Variants in DPM1 observed in about 807,000 individuals in gnomAD.
DPM1 encodes the protein dolichyl-phosphate mannosyltransferase subunit 1, catalytic.
DPM1 carries 27 observed loss-of-function variants against 39.0 expected under a neutral mutation model. The ratio of observed to expected loss-of-function variants is 0.69; its 90% CI spans 0.51 to 0.95. DPM1 has a LOEUF of 0.95. Among genes scored for constraint, DPM1 ranks in the 40% least tolerant of loss-of-function variants. The pLI is 0.00. For missense variants in DPM1, 307 were observed against 315.6 expected (o/e 0.97, Z 0.21); for synonymous variants, 124 against 109.0 (o/e 1.14, Z -0.86).
At chr20:50,958,167 GA>G (rs1201564597) in intron 1 of DPM1, among the ~76,000 whole-genome samples, 195 bp downstream of exon 1, 2 of 152,242 alleles carry the variant, frequency 1.3e-5, no homozygotes, top group East Asian at 3.9e-4. Context: ...CCAAGGGCAG[GA>G]ATGAGAACCC....
chr20:50,943,942 G>A lies in DPM1; in HGVS notation c.398+1795C>T, dbSNP rs539347150. 2.3e-4 allele frequency among the ~76,000 whole-genome samples: 35 copies of A among 150,256 alleles called. No homozygotes were observed. In the South Asian group the frequency reaches 7.0e-3, roughly 30 times the overall value. On this transcript the variant is annotated intron_variant, in intron 5 of 8. Coordinates refer to ENST00000371588, the MANE Select transcript of DPM1 (RefSeq NM_003859.3). Reference sequence around the variant, plus strand: ...TTTTTAGTAGAGACAGGGTTTCACCGTGTTCACCAGGATGGTCTCGATCTC... The same window carrying A: ...TTTTTAGTAGAGACAGGGTTTCACCATGTTCACCAGGATGGTCTCGATCTC...
At chr20:50,952,664 G>C (rs1195463101) in intron 2 of DPM1, among the ~76,000 whole-genome samples, 1 of 152,090 alleles carries the variant, frequency 6.6e-6, no homozygotes. Context: ...TGAATTATCT[G>C]GTTGGTTGGG....
Position 50,941,107 on chromosome 20 carries a change from G to A in DPM1, c.495-174C>T, listed in dbSNP as rs555613895. 310 of 728,702 alleles carry A rather than the reference G, an allele frequency of 4.3e-4. 1 individual carries two copies. The African/African-American group carries it at 5.1e-3, about 12-fold the overall frequency. 45.1% of individuals were successfully genotyped at this position (728,702 alleles called of 1,614,324 possible). A position where few individuals can be genotyped will look rare whatever the true frequency, so the allele number is the denominator to read the frequency against. ...ATTTTTAGTCAATGAAAGGAGACCT[G>A]GCTAGGCGCGGTGGCTCACACCTGT... On this transcript the variant is annotated intron_variant, in intron 6 of 8. Transcript: ENST00000371588.
chr20:50,942,143 C>T lies in DPM1; in HGVS notation c.399-17G>A. 1 of 1,605,570 alleles carries T rather than the reference C, an allele frequency of 6.2e-7. No homozygotes were observed. Among genetic ancestry groups the T allele is most frequent in the Non-Finnish European group, 8.5e-7 (1 of 1,172,808 alleles). On this transcript the variant is annotated splice_polypyrimidine_tract_variant and intron_variant, in intron 5 of 8. Transcript: ENST00000371588. ...TTTTGCTTCCTGTAGAATAAATTAG[C>T]TGTCAATTAGAAAAAGCCACTGAGC... is the stretch of plus-strand genomic sequence containing the variant.
In DPM1 at chr20:50,936,192, C is replaced by G. The variant is rs765866526; in HGVS notation, c.634G>C (p.Glu212Gln). 1.2e-6 allele frequency: 2 copies of G among 1,613,810 alleles called. No individual in the cohort carries two copies. Among genetic ancestry groups the G allele is most frequent in the Non-Finnish European group, 1.7e-6 (2 of 1,179,806 alleles). ...AACTGTCTTGCCCGAACAATCATCT[C>G]CATCTGGAAGACGTAGCCTTTAGAA... The part of the protein sequence containing the change: ...CVSKGYVFQM[E>Q]MIVRARQLNY... Residue 212 changes from glutamate (E) to glutamine (Q), a missense_variant, in exon 8 of 9, where the codon GAG (glutamate) becomes CAG (glutamine). Coordinates refer to ENST00000371588, the MANE Select transcript of DPM1 (RefSeq NM_003859.3).
At chr20:50,948,756 G>C in intron 2 of DPM1, 94 bp from the exon 3 acceptor site, 1 of 1,123,514 alleles carries the variant, frequency 8.9e-7, no homozygotes, top group South Asian at 1.3e-5. Flanking sequence ...CACTTTAATA[G>C]AAATATAGTT....
chr20:50,957,042 G>A (rs1017310860), intron 1 of DPM1, among the ~76,000 whole-genome samples: 1 of 151,520 alleles, frequency 6.6e-6, no homozygotes, highest in African/African-American at 2.4e-5. Context: ...TGCAAAATTA[G>A]AATACAAGCC....
At chr20:50,951,340 A>G (rs1986566689) in intron 2 of DPM1, among the ~76,000 whole-genome samples, 1 of 152,244 alleles carries the variant, frequency 6.6e-6, no homozygotes, top group African/African-American at 2.4e-5. Context: ...AATTAGAAGT[A>G]ATGATGATAC....
intron 2 of DPM1, 38 bp downstream of exon 2, chr20:50,955,148 C>T (rs1419208494): frequency 1.4e-6 from 2 of 1,435,586 alleles, no homozygotes; most frequent in Admixed American, 3.3e-5. Flanking sequence ...CCTACATAAT[C>T]ACAATTCATA....
In DPM1 at chr20:50,958,509, T is replaced by A. The variant is rs17850342; in HGVS notation, c.15A>T (p.Glu5Asp). The stretch of plus-strand genomic sequence containing the variant: ...GAGACCTGCGAGGACTACGACTGAC[T>A]TCCAAGGAGGCCATGGCGGAACTGA... The part of the protein sequence containing the change: MASL[E>D]VSRSPRRSRR... The change falls in exon 1 of 9, where the codon GAA (glutamate) becomes GAT (aspartate). Residue 5 changes from glutamate to aspartate, a missense_variant. By Grantham distance (45) the Glu-to-Asp change is conservative. This residue lies in a region of DPM1 where 206 missense variants were observed against 188.2 expected (regional missense o/e 1.09). Transcript: ENST00000371588. 6.2e-7 allele frequency: 1 copy of A among 1,613,432 alleles called. No homozygotes were observed. The highest frequency in any genetic ancestry group is 1.1e-5 in the South Asian group (1 of 91,062).
At chr20:50,938,769 C>T (rs1161851181) in intron 7 of DPM1, among the ~76,000 whole-genome samples, 4 of 150,692 alleles carry the variant, frequency 2.7e-5, no homozygotes, top group East Asian at 2.0e-4. Flanking sequence ...CACCTGAGGT[C>T]GGGAGTTCAA....
chr20:50,945,284 T>TGGTG, intron 5 of DPM1: 1 of 156,702 alleles, frequency 6.4e-6, no homozygotes, highest in East Asian at 1.8e-4. Context: ...CAAATGTGTG[T>TGGTG]TGTGTGTGTG....
intron 3 of DPM1, 71 bp downstream of exon 3, chr20:50,948,558 G>A: frequency 6.8e-7 from 1 of 1,461,656 alleles, no homozygotes; most frequent in Non-Finnish European, 9.6e-7. Context: ...ATTCCAAACT[G>A]GGAAAATACA....
At chr20:50,950,387 A>C (rs1342586560) in intron 2 of DPM1, among the ~76,000 whole-genome samples, 1 of 152,224 alleles carries the variant, frequency 6.6e-6, no homozygotes, top group Non-Finnish European at 1.5e-5. Context: ...CATCTATGAT[A>C]ATTGCAAGTC....
intron 1 of DPM1, among the ~76,000 whole-genome samples, chr20:50,956,531 G>GAAAAA (rs56159089): frequency 4.0e-5 from 4 of 100,422 alleles, no homozygotes; most frequent in African/African-American, 1.2e-4. Flanking sequence ...GTCTCCAAAA[G>GAAAAA]AAAAAAAAAA....
intron 3 of DPM1, among the ~76,000 whole-genome samples, chr20:50,946,135 G>A (rs1305960813): frequency 6.6e-6 from 1 of 152,140 alleles, no homozygotes; most frequent in Admixed American, 6.5e-5. Context: ...CCATTCAGAT[G>A]TCAATTTAAT....
intron 7 of DPM1, among the ~76,000 whole-genome samples, chr20:50,938,655 C>T (rs1207987907): frequency 6.7e-6 from 1 of 149,020 alleles, no homozygotes; most frequent in African/African-American, 2.5e-5. Context: ...ACTGGGATTA[C>T]AGGCGTGAGC....
At chr20:50,941,227 A>AACATATATATATAT (rs751974533) in intron 6 of DPM1, 1 of 60,784 alleles carries the variant, frequency 1.6e-5, no homozygotes, top group African/African-American at 8.3e-5. Context: ...AAAAAAAGTG[A>AACATATATATATAT]ATATATATAT....
chr20:50,958,417 T>A lies in DPM1; in HGVS notation c.107A>T (p.Glu36Val). The A allele has an allele frequency of 1.2e-6, 2 of 1,614,006 alleles. No individual in the cohort carries two copies. Among genetic ancestry groups the A allele is most frequent in the Non-Finnish European group, 1.7e-6 (2 of 1,180,000 alleles). Reference protein sequence around the residue: ...KYSVLLPTYNERENLPLIVWL... With the variant: ...KYSVLLPTYNVRENLPLIVWL... ...CACGATGAGCGGCAGGTTCTCGCGCTCGTTGTAGGTAGGTAAAAGCACCGA... is the reference window on the plus strand; with the variant it reads ...CACGATGAGCGGCAGGTTCTCGCGCACGTTGTAGGTAGGTAAAAGCACCGA... The change falls in exon 1 of 9, where the codon GAG (glutamate) becomes GTG (valine). Residue 36 changes from glutamate to valine, a missense_variant. By Grantham distance (121) the Glu-to-Val change is moderately radical. Transcript: ENST00000371588.
Sources: gnomAD v4.1 joint callset for allele counts (sites outside exome capture counted in the v4.1 genomes callset) on GRCh38, gnomAD v4.1.1 for gene constraint, gnomAD v4.1.1 regional missense constraint, MANE v1.5 for transcripts, NCBI Gene and HGNC (gene_info 2026-07-23, HGNC 2026-07-21) for gene names.